The following TOGARAM2 variants were observed in gnomAD, a reference collection of about 807,000 sequenced individuals.
TOGARAM2 encodes TOG array regulator of axonemal microtubules 2, also known as TOG array regulator of axonemal microtubules protein 2.
Under a neutral mutation model 93.3 loss-of-function variants are expected in TOGARAM2, and 85 were observed. The observed-to-expected ratio is 0.91, with a 90% CI of 0.76 to 1.09. The LOEUF (loss-of-function observed/expected upper bound fraction) is 1.09. Ranked by LOEUF, TOGARAM2 falls within the 50% of genes least tolerant of loss-of-function variation. TOGARAM2 has a pLI of 0.00. For synonymous variants in TOGARAM2, 593 were observed against 552.8 expected (o/e 1.07, Z -1.02); for missense variants, 1,277 against 1,334.5 (o/e 0.96, Z 0.67).
intron 10 of TOGARAM2, 141 bp downstream of exon 10, chr2:29,018,097 G>A (rs1014529243): frequency 9.0e-6 from 9 of 999,088 alleles, no homozygotes; most frequent in Admixed American, 6.1e-5. Context: ...TGGGGTGGTG[G>A]TTGCCTTGCC....
chr2:28,989,593 TTACTGTGTTGCCCAG>T (rs1350636513), intron 1 of TOGARAM2, among the ~76,000 whole-genome samples: 6 of 151,946 alleles, frequency 3.9e-5, no homozygotes, highest in Non-Finnish European at 5.9e-5. Flanking sequence ...AGATGAGGTT[TTACTGTGTTGCCCAG>T]TACTGTGTTG....
chr2:28,966,203 CT>C (rs1450462031), intron 1 of TOGARAM2, among the ~76,000 whole-genome samples: 2 of 151,388 alleles, frequency 1.3e-5, no homozygotes, highest in African/African-American at 4.9e-5. Flanking sequence ...GTTGGCCAGG[CT>C]GGTCTCAAAC....
chr2:29,014,156 C>T (rs1220646482), intron 7 of TOGARAM2, among the ~76,000 whole-genome samples: 1 of 152,238 alleles, frequency 6.6e-6, no homozygotes, highest in Non-Finnish European at 1.5e-5. Flanking sequence ...CCCAATCCCA[C>T]ACCTATCTTG....
intron 1 of TOGARAM2, among the ~76,000 whole-genome samples, chr2:28,990,472 C>G (rs1006886130): frequency 2.0e-5 from 3 of 152,212 alleles, no homozygotes; most frequent in Non-Finnish European, 4.4e-5. Flanking sequence ...CCTCATCCCG[C>G]TCCCCGGGCC....
At chr2:28,979,851 C>G (rs2148231405), upstream of TOGARAM2, among the ~76,000 whole-genome samples, 2 of 152,308 alleles carry the variant, frequency 1.3e-5, no homozygotes, top group East Asian at 3.9e-4. Context: ...AGCTCCGACT[C>G]AAGCAGCGAC....
intron 7 of TOGARAM2, among the ~76,000 whole-genome samples, chr2:29,013,025 C>T (rs758469024): frequency 3.9e-5 from 6 of 152,178 alleles, no homozygotes; most frequent in Non-Finnish European, 7.3e-5. Context: ...CTGCACGGGC[C>T]CCAGAGGTAA....
intron 7 of TOGARAM2, among the ~76,000 whole-genome samples, chr2:29,013,558 C>G (rs1348655547): frequency 6.6e-6 from 1 of 152,290 alleles, no homozygotes; most frequent in Middle Eastern, 3.4e-3. Flanking sequence ...GCCACTGGTG[C>G]AAGTCTCAGA....
chr2:29,024,763 C>T (rs978208384), intron 13 of TOGARAM2, among the ~76,000 whole-genome samples: 3 of 152,134 alleles, frequency 2.0e-5, no homozygotes, highest in Admixed American at 6.5e-5. Flanking sequence ...GGGAGCGCCC[C>T]GGGAGACAGG....
At chr2:28,974,799 TA>T (rs1334797865) in intron 1 of TOGARAM2, among the ~76,000 whole-genome samples, 18 of 143,838 alleles carry the variant, frequency 1.3e-4, no homozygotes, top group African/African-American at 2.8e-4. Flanking sequence ...TTATTATTAT[TA>T]TTATTTTTTT....
Position 29,036,559 on chromosome 2 carries a change from C to G in TOGARAM2, c.2437C>G (p.Pro813Ala). 1 of 1,613,954 alleles carries G rather than the reference C, an allele frequency of 6.2e-7. No individual in the cohort carries two copies. The highest frequency in any genetic ancestry group is 1.1e-5 in the South Asian group (1 of 91,076). ...HLVQVFDAFT[P>A]RLQDSNKKVN... ...TCAATAGGTCTTTGATGCTTTCACCCCAAGGCTTCAGGATTCCAACAAGAA... is the reference window on the plus strand; with the variant it reads ...TCAATAGGTCTTTGATGCTTTCACCGCAAGGCTTCAGGATTCCAACAAGAA... Residue 813 changes from proline (P) to alanine (A), a missense_variant, in exon 18 of 20, where the codon CCA becomes GCA. Coordinates refer to ENST00000379558, the MANE Select transcript of TOGARAM2 (RefSeq NM_199280.4).
intron 10 of TOGARAM2, among the ~76,000 whole-genome samples, chr2:29,019,063 G>A (rs1291482035): frequency 1.3e-5 from 2 of 152,008 alleles, no homozygotes; most frequent in African/African-American, 4.8e-5. Flanking sequence ...GTGATTTGAA[G>A]TGCAATGTAA....
intron 4 of TOGARAM2, among the ~76,000 whole-genome samples, chr2:29,000,832 G>C (rs566713436): frequency 6.6e-6 from 1 of 152,322 alleles, no homozygotes; most frequent in South Asian, 2.1e-4. Context: ...GGAGGCAGAA[G>C]GTGGGGTTGG....
intron 1 of TOGARAM2, among the ~76,000 whole-genome samples, chr2:28,985,713 G>A (rs1167818359): frequency 1.3e-5 from 2 of 152,172 alleles, no homozygotes; most frequent in Non-Finnish European, 2.9e-5. Context: ...ATTAGAAAAA[G>A]ATGTCTCTTT....
At chr2:28,970,013 A>G (rs1425548534) in intron 1 of TOGARAM2, among the ~76,000 whole-genome samples, 1 of 152,134 alleles carries the variant, frequency 6.6e-6, no homozygotes, top group South Asian at 2.1e-4. Context: ...GGGTTTCACC[A>G]TGTTGGTCAG....
rs979624931 is a variant in TOGARAM2 at position 29,022,291 on chromosome 2, C to T, written c.1494C>T (p.Cys498=). Residue 498 remains cysteine, a synonymous_variant, in exon 11 of 20, where the codon TGC becomes TGT. Coordinates refer to ENST00000379558, the MANE Select transcript of TOGARAM2 (RefSeq NM_199280.4). The part of the protein sequence containing the change: ...PELGLRDALQ[C]LNSSDWQMKE... ...TGGGGCTGAGGGATGCACTCCAGTG[C>T]CTCAACAGCAGTGACTGGTGAGGAG... The T allele has an allele frequency of 6.2e-7, 1 of 1,613,982 alleles. No homozygotes were observed. Among genetic ancestry groups the T allele is most frequent in the Non-Finnish European group, 8.5e-7 (1 of 1,179,884 alleles).
At chr2:29,022,406 G>C in intron 11 of TOGARAM2, 98 bp downstream of exon 11, 4 of 1,511,196 alleles carry the variant, frequency 2.6e-6, no homozygotes, top group Non-Finnish European at 3.6e-6. Flanking sequence ...TCCCACTCTG[G>C]GGTTCCAGCA....
At chr2:28,988,434 G>A (rs560024540) in intron 1 of TOGARAM2, among the ~76,000 whole-genome samples, 3 of 152,120 alleles carry the variant, frequency 2.0e-5, no homozygotes, top group African/African-American at 4.8e-5. Flanking sequence ...TCCAGGGTCC[G>A]AGGACTGGTG....
chr2:28,976,227 C>T lies in TOGARAM2; in HGVS notation c.-146-18498C>T, dbSNP rs544181614. 4.5e-4 allele frequency among the ~76,000 whole-genome samples: 68 copies of T among 152,216 alleles called. 1 individual carries two copies. Among genetic ancestry groups the T allele is most frequent in the South Asian group, 4.1e-3 (20 of 4,820 alleles). ...CTACTAAAAATACAAAATAATTAGC[C>T]GGACGTGGTGGCGGGTGCCTGTAGT... On this transcript the variant is annotated intron_variant, in intron 1 of 6. Transcript: ENST00000401723.
At chr2:29,033,700 A>C in intron 16 of TOGARAM2, 137 bp downstream of exon 16, 1 of 694,160 alleles carries the variant, frequency 1.4e-6, no homozygotes, top group East Asian at 2.9e-5. Flanking sequence ...GGGCTGCAAT[A>C]CTAATAGATG....
Sources: allele counts gnomAD v4.1 joint callset (sites outside exome capture counted in the v4.1 genomes callset), GRCh38; gene constraint gnomAD v4.1.1; transcripts MANE v1.5; gene names NCBI Gene and HGNC (gene_info 2026-07-23, HGNC 2026-07-21).